Variants in NAA40 observed in about 807,000 individuals in gnomAD.
NAA40 encodes the protein N-alpha-acetyltransferase 40.
In NAA40, 26 loss-of-function variants were observed where a neutral mutation model predicts 36.6. That is an observed-to-expected ratio of 0.71 (90% CI 0.52 to 0.98). The LOEUF is 0.98. NAA40 is among the 50% of genes least tolerant of loss of function. The pLI is 0.00. For missense variants in NAA40, 237 were observed against 306.5 expected, an observed-to-expected ratio of 0.77 and a Z score of 1.69; for synonymous variants, 129 against 108.4, an observed-to-expected ratio of 1.19 and a Z score of -1.18.
chr11:63,952,659 G>T (rs1942298924), intron 5 of NAA40, 94 bp downstream of exon 5: 22 of 1,602,420 alleles, frequency 1.4e-5, no homozygotes, highest in East Asian at 2.2e-5. Context: ...ACCTACCTAG[G>T]TCTATGAGCT....
chr11:63,956,318 G>A lies in NAA40; in HGVS notation c.*1839G>A, dbSNP rs1262112614. On this transcript the variant is annotated 3_prime_UTR_variant, in exon 8 of 8. Coordinates refer to ENST00000377793, the MANE Select transcript of NAA40 (RefSeq NM_024771.4). The stretch of plus-strand genomic sequence containing the variant: ...ATGTTTAGGAAGAGATTTGTCTCTG[G>A]TCCCTGTCTCTGAAAGGACACAGAT... The A allele has an allele frequency of 6.6e-6, 1 of 152,586 alleles. No individual in the cohort carries two copies. Among genetic ancestry groups the A allele is most frequent in the Admixed American group, 6.5e-5 (1 of 15,286 alleles). 9.5% of individuals were successfully genotyped at this position (152,586 alleles called of 1,614,324 possible).
At chr11:63,953,943 T>C in intron 6 of NAA40, 29 bp from the exon 7 acceptor site, 4 of 1,606,280 alleles carry the variant, frequency 2.5e-6, no homozygotes, top group Non-Finnish European at 3.4e-6. Context: ...TTTCTCTTTC[T>C]AAAAGGCGTT....
intron 6 of NAA40, 53 bp from the exon 7 acceptor site, chr11:63,953,919 C>A: frequency 2.0e-6 from 3 of 1,518,492 alleles, no homozygotes; most frequent in East Asian, 2.3e-5. Flanking sequence ...TGCATGCCAC[C>A]ATGCCTGGCC....
At chr11:63,953,186 TA>T (rs1006656081) in intron 6 of NAA40, among the ~76,000 whole-genome samples, 9 of 151,846 alleles carry the variant, frequency 5.9e-5, no homozygotes, top group Non-Finnish European at 1.3e-4. Context: ...TGGCTGGGAT[TA>T]CAGGCGCGCA....
At chr11:63,952,682 A>C in intron 5 of NAA40, 74 bp from the exon 6 acceptor site, 1 of 1,599,252 alleles carries the variant, frequency 6.3e-7, no homozygotes, top group Non-Finnish European at 8.6e-7. Flanking sequence ...CAAGGACTGC[A>C]AGCTCCTCTG....
In NAA40 at chr11:63,957,213, T is replaced by TATATA. The variant is rs1491564515; in HGVS notation, c.*2734_*2735insATATA. 1.7e-4 allele frequency: 8 copies of TATATA among 48,066 alleles called. No individual in the cohort carries two copies. Among genetic ancestry groups the TATATA allele is most frequent in the African/African-American group, 4.2e-4 (7 of 16,752 alleles). The allele number at this position is 48,066 out of a possible 1,614,324, so 3.0% of individuals were successfully genotyped here. On this transcript the variant is annotated 3_prime_UTR_variant, in exon 8 of 8. Transcript: ENST00000377793. ...CTTGATATATATATATATATATATA[T>TATATA]TTTTTTTTTTCTTTAGCAGCTTGTT...
At chr11:63,954,130 T>C in intron 7 of NAA40, 81 bp downstream of exon 7, 1 of 1,477,178 alleles carries the variant, frequency 6.8e-7, no homozygotes, top group Non-Finnish European at 9.4e-7. Flanking sequence ...CCTCACTCAT[T>C]CTGATGCCTG....
intron 1 of NAA40, among the ~76,000 whole-genome samples, chr11:63,943,347 C>T (rs1248400916): frequency 6.6e-6 from 1 of 152,206 alleles, no homozygotes; most frequent in Non-Finnish European, 1.5e-5. Context: ...ACTGTGTTGG[C>T]ACGCTGTTAC....
At chr11:63,953,700 G>A (rs1222762093) in intron 6 of NAA40, among the ~76,000 whole-genome samples, 1 of 152,130 alleles carries the variant, frequency 6.6e-6, no homozygotes, top group Non-Finnish European at 1.5e-5. Flanking sequence ...TCTCACTGCA[G>A]CCTCTACCTC....
chr11:63,953,203 A>G (rs1002658601), intron 6 of NAA40, among the ~76,000 whole-genome samples: 3 of 152,044 alleles, frequency 2.0e-5, no homozygotes, highest in Non-Finnish European at 4.4e-5. Context: ...GCGCACTGCC[A>G]TGCCTGGCTA....
intron 1 of NAA40, among the ~76,000 whole-genome samples, chr11:63,940,250 C>A (rs1467917913): frequency 6.6e-6 from 1 of 152,024 alleles, no homozygotes; most frequent in Non-Finnish European, 1.5e-5. Flanking sequence ...AGGGTTTCAC[C>A]ACGTTGGCCA....
At chr11:63,945,311 G>C (rs1049189026) in intron 1 of NAA40, among the ~76,000 whole-genome samples, 13 of 152,150 alleles carry the variant, frequency 8.5e-5, no homozygotes, top group Non-Finnish European at 1.9e-4. Flanking sequence ...GTCCGAACAC[G>C]GTGGCCCCCA....
Position 63,954,690 on chromosome 11 carries a change from A to T in NAA40, c.*211A>T. 2.3e-6 allele frequency: 1 copy of T among 444,154 alleles called. No individual in the cohort carries two copies. Among genetic ancestry groups the T allele is most frequent in the Non-Finnish European group, 3.8e-6 (1 of 263,614 alleles). The allele number at this position is 444,154 out of a possible 1,614,324, so 27.5% of individuals were successfully genotyped here. On this transcript the variant is annotated 3_prime_UTR_variant, in exon 8 of 8. Transcript: ENST00000377793. ...AGAGTGCTAGAAGGGAATGAAAGGG[A>T]GAGGGAAGAGTAGGTGGGGCCGGGC... is the stretch of plus-strand genomic sequence containing the variant.
chr11:63,955,885 ATCATAAAGGTTCTAGCCT>A lies in NAA40; in HGVS notation c.*1409_*1426del, dbSNP rs1310333673. On this transcript the variant is annotated 3_prime_UTR_variant, in exon 8 of 8. Coordinates refer to ENST00000377793, the MANE Select transcript of NAA40 (RefSeq NM_024771.4). ...ATCCCTGAGCTCTGCTGTGGGGAGTATCATAAAGGTTCTAGCCTTCGTGAAGTTGTTCTCGTGGAGGTC... is the reference window on the plus strand; with the variant it reads ...ATCCCTGAGCTCTGCTGTGGGGAGTATCGTGAAGTTGTTCTCGTGGAGGTC... The A allele has an allele frequency of 1.3e-5, 2 of 152,290 alleles. No homozygotes were observed. The highest frequency in any genetic ancestry group is 4.8e-5 in the African/African-American group (2 of 41,474). 9.4% of individuals were successfully genotyped at this position (152,290 alleles called of 1,614,324 possible). A position where few individuals can be genotyped will look rare whatever the true frequency, so the allele number is the denominator to read the frequency against.
At chr11:63,948,385 T>C (rs1187333976) in intron 3 of NAA40, among the ~76,000 whole-genome samples, 3 of 152,180 alleles carry the variant, frequency 2.0e-5, no homozygotes, top group African/African-American at 7.2e-5. Context: ...AGCCAATTCC[T>C]GGCTATTTGG....
intron 1 of NAA40, among the ~76,000 whole-genome samples, chr11:63,941,795 CCA>C (rs985485497): frequency 6.6e-6 from 1 of 152,102 alleles, no homozygotes. Context: ...CTCAGGTAAT[CCA>C]CCCACCTCCG....
chr11:63,946,830 T>C lies in NAA40; in HGVS notation c.103-121T>C, dbSNP rs1197553489. 4 of 1,588,584 alleles carry C rather than the reference T, an allele frequency of 2.5e-6. No individual in the cohort carries two copies. In the African/African-American group the frequency reaches 5.4e-5, roughly 21 times the overall value. On this transcript the variant is annotated intron_variant, in intron 2 of 7. Transcript: ENST00000377793. ...GGTTTTGGGAGGCTGCTCCTGGTTCTGAAGTTAGTCTCCCGTTGTGGGTCC... is the reference window on the plus strand; with the variant it reads ...GGTTTTGGGAGGCTGCTCCTGGTTCCGAAGTTAGTCTCCCGTTGTGGGTCC...
chr11:63,952,624 T>C, intron 5 of NAA40, 59 bp downstream of exon 5: 9 of 1,606,398 alleles, frequency 5.6e-6, no homozygotes, highest in Non-Finnish European at 6.8e-6. Context: ...TTCCAGGCAC[T>C]CCAGCCAGGT....
At chr11:63,945,800 C>G in intron 1 of NAA40, 40 bp from the exon 2 acceptor site, 1 of 1,558,346 alleles carries the variant, frequency 6.4e-7, no homozygotes, top group East Asian at 2.2e-5. Context: ...GCTTGATTGG[C>G]CACAGCCATT....
Sources: allele counts gnomAD v4.1 joint callset (sites outside exome capture counted in the v4.1 genomes callset), GRCh38; gene constraint gnomAD v4.1.1; transcripts MANE v1.5; gene names NCBI Gene and HGNC (gene_info 2026-07-23, HGNC 2026-07-21).